Variants in SIN3A observed in about 807,000 individuals in gnomAD.
The protein encoded by SIN3A is SIN3 transcription regulator family member A.
Under a neutral mutation model 146.1 loss-of-function variants are expected in SIN3A, and 14 were observed. The ratio of observed to expected loss-of-function variants is 0.10; its 90% CI spans 0.06 to 0.15. SIN3A has a LOEUF of 0.15. Among genes scored for constraint, SIN3A ranks in the 10% least tolerant of loss-of-function variants. SIN3A has a pLI of 1.00. For missense variants in SIN3A, 1,028 were observed against 1,576.0 expected (o/e 0.65, Z 5.89); for synonymous variants, 572 against 572.0 (o/e 1.00, Z 0.00).
intron 20 of SIN3A, among the ~76,000 whole-genome samples, chr15:75,373,301 C>T (rs1013790220): frequency 6.6e-6 from 1 of 152,090 alleles, no homozygotes; most frequent in African/African-American, 2.4e-5. Flanking sequence ...TCTCTTGAAC[C>T]CGGGAAGTGG....
intron 1 of SIN3A, among the ~76,000 whole-genome samples, chr15:75,433,055 A>C (rs559438461): frequency 1.3e-4 from 20 of 152,314 alleles, no homozygotes; most frequent in Middle Eastern, 3.4e-3. Context: ...ACAACAACAA[A>C]AAAAAACTTT....
At chr15:75,399,421 G>T (rs1225169764) in intron 12 of SIN3A, among the ~76,000 whole-genome samples, 1 of 152,068 alleles carries the variant, frequency 6.6e-6, no homozygotes, top group African/African-American at 2.4e-5. Flanking sequence ...CCAGCTACTC[G>T]GGAGGCTGAG....
intron 3 of SIN3A, chr15:75,415,547 A>G: frequency 5.0e-6 from 1 of 199,102 alleles, no homozygotes; most frequent in Non-Finnish European, 1.0e-5. Context: ...CCAAAGCCAG[A>G]GCCCAACCCT....
Position 75,392,558 on chromosome 15 carries a change from A to T in SIN3A, c.2535T>A (p.Asp845Glu). 6.2e-7 allele frequency: 1 copy of T among 1,614,122 alleles called. No individual in the cohort carries two copies. The highest frequency in any genetic ancestry group is 8.5e-7 in the Non-Finnish European group (1 of 1,180,042). Residue 845 changes from aspartate to glutamate, a missense_variant, in exon 15 of 21, where the codon GAT becomes GAA. Asp to Glu is a conservative substitution (Grantham distance 45). Transcript: ENST00000394947. ...EEEEEEEMDV[D>E]EATGAVKKHN... ...GCTTCTTAACTGCCCCTGTGGCTTCATCTACATCCATCTCTTCTTCTTCCT... is the reference window on the plus strand; with the variant it reads ...GCTTCTTAACTGCCCCTGTGGCTTCTTCTACATCCATCTCTTCTTCTTCCT...
At chr15:75,435,557 G>A (rs925079411) in intron 1 of SIN3A, among the ~76,000 whole-genome samples, 1 of 152,078 alleles carries the variant, frequency 6.6e-6, no homozygotes, top group Non-Finnish European at 1.5e-5. Flanking sequence ...TATTAGCTGG[G>A]CGTGGTGGCG....
intron 9 of SIN3A, among the ~76,000 whole-genome samples, chr15:75,405,341 G>A (rs1043731319): frequency 2.0e-5 from 3 of 151,100 alleles, no homozygotes; most frequent in Non-Finnish European, 4.4e-5. Flanking sequence ...ACTCCAGCCT[G>A]GGCAACAAGA....
chr15:75,428,825 T>A (rs962011729), intron 2 of SIN3A, among the ~76,000 whole-genome samples: 1 of 152,016 alleles, frequency 6.6e-6, no homozygotes, highest in African/African-American at 2.4e-5. Flanking sequence ...ATACATGGAT[T>A]TTCTCCCACC....
chr15:75,398,669 C>T lies in SIN3A; in HGVS notation c.1854+1371G>A, dbSNP rs150519891. Among the ~76,000 whole-genome samples, 164 of 151,904 alleles carry T rather than the reference C, an allele frequency of 1.1e-3. 13 individuals are homozygous for T. The East Asian group carries it at 0.02, about 18-fold the overall frequency. On this transcript the variant is annotated intron_variant, in intron 12 of 20. Transcript: ENST00000394947. Reference sequence around the variant, plus strand: ...CTCCAGCCTGGTTGACAGAGCAATACTCTGTCTTTAAAAAGAAAGGGGTCC... The same window carrying T: ...CTCCAGCCTGGTTGACAGAGCAATATTCTGTCTTTAAAAAGAAAGGGGTCC...
chr15:75,425,854 T>C (rs1400901093), intron 2 of SIN3A, among the ~76,000 whole-genome samples: 1 of 152,214 alleles, frequency 6.6e-6, no homozygotes, highest in Non-Finnish European at 1.5e-5. Context: ...AAACTTTTTT[T>C]CAAATCCTCA....
chr15:75,419,792 T>C (rs1321415731), intron 3 of SIN3A: 1 of 152,084 alleles, frequency 6.6e-6, no homozygotes, highest in Non-Finnish European at 1.5e-5. Flanking sequence ...GCCACTGCAC[T>C]ACAGCCTGGG....
intron 3 of SIN3A, chr15:75,415,714 G>C (rs1305745014): frequency 6.7e-5 from 11 of 163,152 alleles, no homozygotes. Flanking sequence ...AGCCAGGCAT[G>C]GTGGCGCATG....
chr15:75,429,922 T>G (rs1382946471), intron 2 of SIN3A: 1 of 296,838 alleles, frequency 3.4e-6, no homozygotes, highest in African/African-American at 2.2e-5. Flanking sequence ...GTCAAGGGAA[T>G]GATAAATACA....
At chr15:75,395,422 G>A (rs1291474057) in intron 13 of SIN3A, among the ~76,000 whole-genome samples, 2 of 152,190 alleles carry the variant, frequency 1.3e-5, no homozygotes, top group East Asian at 3.8e-4. Context: ...ATCTGTGCCA[G>A]CTCTTGAGGG....
At chr15:75,419,157 T>C (rs2073798354) in intron 3 of SIN3A, 4 of 152,198 alleles carry the variant, frequency 2.6e-5, no homozygotes, top group Admixed American at 6.5e-5. Flanking sequence ...AGTTGGTCAA[T>C]ACCCACTTGT....
Position 75,396,384 on chromosome 15 carries a change from G to T in SIN3A, c.1967C>A (p.Thr656Asn). ...EEQAKFRLDN[T>N]LGGTSEVIHR... Reference sequence around the variant, plus strand: ...GATGACTTCTGATGTGCCCCCAAGGGTGTTGTCCAAGCGAAATTTGGCTTG... The same window carrying T: ...GATGACTTCTGATGTGCCCCCAAGGTTGTTGTCCAAGCGAAATTTGGCTTG... Residue 656 changes from threonine (T) to asparagine (N), a missense_variant, in exon 13 of 21, where the codon ACC becomes AAC. Physicochemically the swap from Thr to Asn is moderately conservative, Grantham distance 65 (BLOSUM62 0). Transcript: ENST00000394947. 6.2e-7 allele frequency: 1 copy of T among 1,614,150 alleles called. No homozygotes were observed. The highest frequency in any genetic ancestry group is 2.2e-5 in the East Asian group (1 of 44,888).
intron 6 of SIN3A, among the ~76,000 whole-genome samples, chr15:75,410,959 G>C (rs2073626491): frequency 7.7e-6 from 1 of 130,184 alleles, no homozygotes; most frequent in African/African-American, 3.1e-5. Flanking sequence ...TAGGCAAAAA[G>C]AGCAAAACTC....
chr15:75,412,130 C>G (rs141625200), intron 5 of SIN3A, among the ~76,000 whole-genome samples: 2 of 152,206 alleles, frequency 1.3e-5, no homozygotes, highest in Non-Finnish European at 2.9e-5. Flanking sequence ...AAGTCTTCTA[C>G]GCCAACTCTG....
At chr15:75,445,709 C>T (rs903037919) in intron 1 of SIN3A, among the ~76,000 whole-genome samples, 4 of 148,844 alleles carry the variant, frequency 2.7e-5, no homozygotes, top group African/African-American at 9.9e-5. Flanking sequence ...CGAGATAGTA[C>T]CACTGCACTC....
In SIN3A at chr15:75,370,869, G is replaced by A. The variant is rs1342645898; in HGVS notation, c.*1110C>T. On this transcript the variant is annotated 3_prime_UTR_variant, in exon 21 of 21. Transcript: ENST00000394947. ...TTTCTACCCTGGATAAGGAACTGAAGTCAAAATCCCTGCTTCACAGTATTT... is the reference window on the plus strand; with the variant it reads ...TTTCTACCCTGGATAAGGAACTGAAATCAAAATCCCTGCTTCACAGTATTT... 2 of 151,744 alleles carry A rather than the reference G, an allele frequency of 1.3e-5. No homozygotes were observed. The highest frequency in any genetic ancestry group is 2.9e-5 in the Non-Finnish European group (2 of 67,984). The allele number at this position is 151,744 out of a possible 1,614,324, so 9.4% of individuals were successfully genotyped here.
Sources: gnomAD v4.1 joint callset for allele counts (sites outside exome capture counted in the v4.1 genomes callset) on GRCh38, gnomAD v4.1.1 for gene constraint, MANE v1.5 for transcripts, NCBI Gene and HGNC (gene_info 2026-07-23, HGNC 2026-07-21) for gene names.